NLGN1: variants seen among roughly 807,000 people sequenced by gnomAD.
The protein encoded by NLGN1 is neuroligin 1, also known as neuroligin-1.
In NLGN1, 12 loss-of-function variants were observed where a neutral mutation model predicts 65.5. The ratio of observed to expected loss-of-function variants is 0.18; its 90% CI spans 0.12 to 0.30. NLGN1 has a LOEUF of 0.30. NLGN1 is among the 10% of genes least tolerant of loss of function. The probability of loss-of-function intolerance (pLI) is 1.00; values close to 1 mark genes in which losing one functional copy is unlikely to be tolerated. For missense variants in NLGN1, 750 were observed against 1,007.1 expected (o/e 0.74, Z 3.46); for synonymous variants, 350 against 359.5 (o/e 0.97, Z 0.30).
chr3:173,783,235 A>T (rs1025372823), intron 3 of NLGN1, among the ~76,000 whole-genome samples: 1 of 152,226 alleles, frequency 6.6e-6, no homozygotes, highest in East Asian at 1.9e-4. Context: ...AATGAATTAC[A>T]TATTAAAAAG....
chr3:174,127,750 A>G (rs1357222542), intron 4 of NLGN1, among the ~76,000 whole-genome samples: 1 of 152,122 alleles, frequency 6.6e-6, no homozygotes, highest in Non-Finnish European at 1.5e-5. Flanking sequence ...TCCTTCATGT[A>G]TTATTTGAAA....
At chr3:173,580,812 G>T (rs1246796438) in intron 2 of NLGN1, among the ~76,000 whole-genome samples, 1 of 151,894 alleles carries the variant, frequency 6.6e-6, no homozygotes, top group Non-Finnish European at 1.5e-5. Context: ...GTTCAGTATG[G>T]ATGCTGAAAT....
intron 4 of NLGN1, among the ~76,000 whole-genome samples, chr3:173,944,071 T>C (rs1390096841): frequency 1.3e-5 from 2 of 151,902 alleles, no homozygotes; most frequent in African/African-American, 4.8e-5. Context: ...AACTGAAACG[T>C]TTTATAATCT....
intron 3 of NLGN1, among the ~76,000 whole-genome samples, chr3:173,650,549 A>G (rs1038186994): frequency 2.0e-5 from 3 of 152,182 alleles, no homozygotes; most frequent in African/African-American, 7.2e-5. Flanking sequence ...TAGGAATGGT[A>G]TCACATTGTG....
intron 4 of NLGN1, among the ~76,000 whole-genome samples, chr3:173,889,304 G>A (rs910808930): frequency 1.3e-5 from 2 of 152,078 alleles, no homozygotes; most frequent in Non-Finnish European, 2.9e-5. Flanking sequence ...ATTGGGAGGA[G>A]GGTATGTGAA....
At chr3:174,129,354 AACACACACACACACACACACAC>A (rs61122760) in intron 4 of NLGN1, among the ~76,000 whole-genome samples, 17 of 116,778 alleles carry the variant, frequency 1.5e-4, no homozygotes, top group African/African-American at 5.4e-4. Context: ...CCCGGTTTAC[AACACACACACACACACACACAC>A]ACACACACAC....
At chr3:173,990,975 C>G (rs912256420) in intron 4 of NLGN1, among the ~76,000 whole-genome samples, 1 of 152,044 alleles carries the variant, frequency 6.6e-6, no homozygotes, top group Non-Finnish European at 1.5e-5. Context: ...CCATATACCC[C>G]CATACATGCA....
intron 3 of NLGN1, among the ~76,000 whole-genome samples, chr3:173,674,708 T>A (rs17180964): frequency 0.018 from 2,777 of 152,192 alleles, 56 homozygotes; most frequent in Admixed American, 0.057. Context: ...TTACGGTAGC[T>A]TTTAAAATTT....
At chr3:174,158,128 G>A (rs1458578021) in intron 4 of NLGN1, among the ~76,000 whole-genome samples, 1 of 151,682 alleles carries the variant, frequency 6.6e-6, no homozygotes, top group Non-Finnish European at 1.5e-5. Flanking sequence ...AGTATGCTTT[G>A]TGTTTACTTA....
intron 2 of NLGN1, among the ~76,000 whole-genome samples, chr3:173,521,378 G>A (rs1191004426): frequency 6.6e-6 from 1 of 152,130 alleles, no homozygotes; most frequent in Non-Finnish European, 1.5e-5. Context: ...GATCTCCATA[G>A]AGGTGCTAGC....
At chr3:173,475,798 G>A (rs1726098800) in intron 2 of NLGN1, among the ~76,000 whole-genome samples, 2 of 152,146 alleles carry the variant, frequency 1.3e-5, no homozygotes, top group Admixed American at 1.3e-4. Context: ...TGGATGTGAT[G>A]TAAATACTCT....
chr3:174,110,260 C>T (rs903235011), intron 4 of NLGN1, among the ~76,000 whole-genome samples: 6 of 151,970 alleles, frequency 3.9e-5, no homozygotes, highest in African/African-American at 1.4e-4. Flanking sequence ...TTTGTGCTTG[C>T]TTTTTCCAGC....
At chr3:174,102,269 G>A (rs1355405604) in intron 4 of NLGN1, among the ~76,000 whole-genome samples, 1 of 151,902 alleles carries the variant, frequency 6.6e-6, no homozygotes, top group Non-Finnish European at 1.5e-5. Context: ...ACATGGGGGG[G>A]TATAAGATGT....
At chr3:173,597,211 A>G (rs1042391699) in intron 2 of NLGN1, among the ~76,000 whole-genome samples, 3 of 152,156 alleles carry the variant, frequency 2.0e-5, no homozygotes, top group Non-Finnish European at 4.4e-5. Context: ...AAGGTGCAGG[A>G]TATGTTCTTT....
At chr3:174,106,287 T>C (rs1287554284) in intron 4 of NLGN1, among the ~76,000 whole-genome samples, 1 of 152,058 alleles carries the variant, frequency 6.6e-6, no homozygotes, top group African/African-American at 2.4e-5. Flanking sequence ...GGTATATATA[T>C]AATAGTTTCT....
rs201802866 is a variant in NLGN1, at chr3:174,167,593, CTT to C, written c.647-107707_647-107706del. 5.9e-3 allele frequency among the ~76,000 whole-genome samples: 828 copies of C among 140,288 alleles called. 14 individuals are homozygous for C. Among genetic ancestry groups the C allele is most frequent in the African/African-American group, 0.018 (703 of 38,326 alleles). 92.0% of individuals were successfully genotyped at this position (140,288 alleles called of 152,430 possible). A position where few individuals can be genotyped will look rare whatever the true frequency, so the allele number is the denominator to read the frequency against. Reference sequence around the variant, plus strand: ...GTTCCCTTTGTATGTGATCTGCCCCCTTTTTTTTTTTTTTTTAACCTAGTTGC... The same window carrying C: ...GTTCCCTTTGTATGTGATCTGCCCCCTTTTTTTTTTTTTTAACCTAGTTGC... On this transcript the variant is annotated intron_variant, in intron 4 of 6. Transcript: ENST00000457714.
chr3:173,407,200 C>T (rs1028253805), intron 1 of NLGN1, among the ~76,000 whole-genome samples: 3 of 152,092 alleles, frequency 2.0e-5, no homozygotes, highest in Non-Finnish European at 2.9e-5. Context: ...CGTAGAATCA[C>T]ATTTTTTGAC....
intron 4 of NLGN1, among the ~76,000 whole-genome samples, chr3:173,815,700 GAT>G (rs1451212139): frequency 6.6e-6 from 1 of 152,036 alleles, no homozygotes; most frequent in African/African-American, 2.4e-5. Flanking sequence ...CTCTCTCTAT[GAT>G]ACGCCTTAAA....
intron 4 of NLGN1, among the ~76,000 whole-genome samples, chr3:174,159,755 A>C (rs1394222656): frequency 6.6e-6 from 1 of 151,758 alleles, no homozygotes; most frequent in Non-Finnish European, 1.5e-5. Context: ...AAAGTAAGTT[A>C]TCACCTGCTA....
Sources: allele counts gnomAD v4.1 joint callset (sites outside exome capture counted in the v4.1 genomes callset), GRCh38; gene constraint gnomAD v4.1.1; transcripts MANE v1.5; gene names NCBI Gene and HGNC (gene_info 2026-07-23, HGNC 2026-07-21).